Variants in R3HDM1 observed in about 807,000 individuals in gnomAD.
R3HDM1 encodes R3H domain containing 1.
Under a neutral mutation model 141.1 loss-of-function variants are expected in R3HDM1, and 46 were observed. The ratio of observed to expected loss-of-function variants is 0.33; its 90% CI spans 0.26 to 0.42. R3HDM1 has a LOEUF of 0.42. Ranked by LOEUF, R3HDM1 falls within the 10% of genes least tolerant of loss-of-function variation. The pLI, the probability that R3HDM1 is intolerant of heterozygous loss-of-function variation, is 1.00. For missense variants in R3HDM1, 1,184 were observed against 1,368.3 expected (o/e 0.87, Z 2.12); for synonymous variants, 435 against 472.9 (o/e 0.92, Z 1.04).
intron 3 of R3HDM1, among the ~76,000 whole-genome samples, chr2:135,614,944 A>T (rs1046602735): frequency 6.6e-6 from 1 of 152,112 alleles, no homozygotes; most frequent in Non-Finnish European, 1.5e-5. Flanking sequence ...CAAGTTAGAG[A>T]GTAGGTAAAA....
At chr2:135,625,719 A>T (rs1428212806) in intron 7 of R3HDM1, among the ~76,000 whole-genome samples, 1 of 152,046 alleles carries the variant, frequency 6.6e-6, no homozygotes, top group South Asian at 2.1e-4. Flanking sequence ...GAGATTGGTG[A>T]AGGTCAGTCT....
At chr2:135,670,397 C>T (rs1356437207) in intron 19 of R3HDM1, 11 of 975,618 alleles carry the variant, frequency 1.1e-5, no homozygotes, top group Non-Finnish European at 1.3e-5. Flanking sequence ...CAGTAAAGAT[C>T]AGTTGAGTTG....
chr2:135,561,662 G>A (rs182888666), intron 1 of R3HDM1, among the ~76,000 whole-genome samples: 35 of 151,874 alleles, frequency 2.3e-4, no homozygotes, highest in East Asian at 3.9e-4. Context: ...AGGCTGTAGC[G>A]AGCCACCATA....
At chr2:135,698,509 A>G (rs2073627029) in intron 21 of R3HDM1, among the ~76,000 whole-genome samples, 1 of 152,120 alleles carries the variant, frequency 6.6e-6, no homozygotes, top group African/African-American at 2.4e-5. Flanking sequence ...CCCAATCTGA[A>G]TGAAGTTACA....
intron 23 of R3HDM1, among the ~76,000 whole-genome samples, chr2:135,713,164 T>C (rs1406663900): frequency 6.6e-6 from 1 of 152,110 alleles, no homozygotes; most frequent in Non-Finnish European, 1.5e-5. Context: ...ATCACACTAC[T>C]GTACTCCAGC....
intron 7 of R3HDM1, among the ~76,000 whole-genome samples, chr2:135,623,956 TAA>T (rs2061747055): frequency 6.6e-6 from 1 of 152,142 alleles, no homozygotes; most frequent in East Asian, 1.9e-4. Flanking sequence ...AATCTTGAAT[TAA>T]GAGTGTTTTA....
At chr2:135,567,113 T>C (rs1702967520) in intron 1 of R3HDM1, among the ~76,000 whole-genome samples, 1 of 152,154 alleles carries the variant, frequency 6.6e-6, no homozygotes, top group Non-Finnish European at 1.5e-5. Flanking sequence ...ATTTAAAAAG[T>C]GTCTGTAATA....
intron 1 of R3HDM1, among the ~76,000 whole-genome samples, chr2:135,552,481 C>T (rs572664269): frequency 7.4e-4 from 113 of 152,228 alleles, no homozygotes; most frequent in Non-Finnish European, 1.4e-3. Flanking sequence ...CAGGCATGAG[C>T]CACCACACGC....
At chr2:135,694,778 C>T (rs1179419744) in intron 21 of R3HDM1, among the ~76,000 whole-genome samples, 2 of 152,164 alleles carry the variant, frequency 1.3e-5, no homozygotes, top group South Asian at 2.1e-4. Flanking sequence ...CTAGAGATCT[C>T]TGGAGGGACC....
intron 21 of R3HDM1, among the ~76,000 whole-genome samples, chr2:135,705,272 TG>T (rs2074755463): frequency 6.6e-6 from 1 of 152,210 alleles, no homozygotes; most frequent in Admixed American, 6.5e-5. Flanking sequence ...GCATGTTTGT[TG>T]ATGAAAGAGC....
intron 1 of R3HDM1, among the ~76,000 whole-genome samples, chr2:135,598,967 G>A (rs1270859320): frequency 6.6e-6 from 1 of 151,870 alleles, no homozygotes; most frequent in Non-Finnish European, 1.5e-5. Context: ...TTAAAACTTT[G>A]TTCTAAGTTT....
intron 1 of R3HDM1, chr2:135,590,520 G>A: frequency 1.0e-6 from 1 of 979,502 alleles, no homozygotes; most frequent in Non-Finnish European, 1.2e-6. Flanking sequence ...ACATAGCTAG[G>A]AAATAAAGCC....
At chr2:135,679,675 C>A (rs2069886537) in intron 20 of R3HDM1, among the ~76,000 whole-genome samples, 1 of 152,216 alleles carries the variant, frequency 6.6e-6, no homozygotes, top group South Asian at 2.1e-4. Context: ...CATACATTTA[C>A]AAATGCTAGC....
chr2:135,616,878 A>G, intron 5 of R3HDM1, 121 bp downstream of exon 5: 1 of 835,022 alleles, frequency 1.2e-6, no homozygotes, highest in South Asian at 1.8e-5. Context: ...ATTCAATAAT[A>G]CTTGGCACCC....
chr2:135,628,579 T>C (rs2062289171), intron 7 of R3HDM1, among the ~76,000 whole-genome samples: 1 of 152,180 alleles, frequency 6.6e-6, no homozygotes, highest in African/African-American at 2.4e-5. Flanking sequence ...AATTTAAATG[T>C]ACTGTTTTAT....
At chr2:135,616,786 A>G (rs2061058340) in intron 5 of R3HDM1, 29 bp downstream of exon 5, 2 of 1,513,674 alleles carry the variant, frequency 1.3e-6, no homozygotes, top group East Asian at 2.3e-5. Flanking sequence ...TGTTATTTCA[A>G]GACATGGTGG....
At position 135,650,201 on chromosome 2, in the gene R3HDM1, T is replaced by C. The variant is rs2065002957; in HGVS notation, c.1725+198T>C. 4.1e-6 allele frequency: 4 copies of C among 971,246 alleles called. No individual in the cohort carries two copies. The Admixed American group carries it at 2.5e-4, about 60-fold the overall frequency. 60.2% of individuals were successfully genotyped at this position (971,246 alleles called of 1,614,324 possible). A position where few individuals can be genotyped will look rare whatever the true frequency, so the allele number is the denominator to read the frequency against. On this transcript the variant is annotated intron_variant, in intron 17 of 26. Transcript: ENST00000683871. Reference sequence around the variant, plus strand: ...TATTGGTTATAGTGGCTTATTATGGTGATTGTTTAACCTTTTCCTGCTTTT... The same window carrying C: ...TATTGGTTATAGTGGCTTATTATGGCGATTGTTTAACCTTTTCCTGCTTTT...
chr2:135,652,405 A>G (rs946074662), intron 18 of R3HDM1, among the ~76,000 whole-genome samples: 8 of 152,238 alleles, frequency 5.3e-5, no homozygotes, highest in African/African-American at 1.9e-4. Flanking sequence ...AGGCTGACTC[A>G]CAAGGCTGGG....
Position 135,616,145 on chromosome 2 carries a change from T to C in R3HDM1, c.172-7T>C, listed in dbSNP as rs1293234770. 1.2e-6 allele frequency: 2 copies of C among 1,611,632 alleles called. No individual in the cohort carries two copies. The highest frequency in any genetic ancestry group is 2.2e-5 in the East Asian group (1 of 44,852). On this transcript the variant is annotated splice_region_variant and splice_polypyrimidine_tract_variant and intron_variant, in intron 3 of 26. Transcript: ENST00000683871. Reference sequence around the variant, plus strand: ...AAATTTAATACAAATCTTTCTTGTATATTCAGCGGCCATTGCAGTCATTTG... The same window carrying C: ...AAATTTAATACAAATCTTTCTTGTACATTCAGCGGCCATTGCAGTCATTTG...
Sources: allele counts gnomAD v4.1 joint callset (sites outside exome capture counted in the v4.1 genomes callset), GRCh38; gene constraint gnomAD v4.1.1; transcripts MANE v1.5; gene names NCBI Gene and HGNC (gene_info 2026-07-23, HGNC 2026-07-21).